The following TEAD4 variants were observed in gnomAD, a reference collection of about 807,000 sequenced individuals.
TEAD4 encodes the protein transcriptional enhancer factor TEF-3.
TEAD4 carries 36 observed loss-of-function variants against 52.4 expected under a neutral mutation model. The ratio of observed to expected loss-of-function variants is 0.69; its 90% CI spans 0.53 to 0.91. The LOEUF is 0.91. TEAD4 is among the 40% of genes least tolerant of loss of function. The pLI, the probability that TEAD4 is intolerant of heterozygous loss-of-function variation, is 0.00. For synonymous variants in TEAD4, 220 were observed against 231.0 expected (o/e 0.95, Z 0.43); for missense variants, 508 against 583.9 (o/e 0.87, Z 1.34).
chr12:3,038,378 AGCACAGGCAGAGCCCTGG>A (rs1275077102), intron 11 of TEAD4, among the ~76,000 whole-genome samples: 1 of 152,220 alleles, frequency 6.6e-6, no homozygotes. Flanking sequence ...GCAGAGCCGC[AGCACAGGCAGAGCCCTGG>A]GCATCTACCT....
At chr12:2,963,036 C>T (rs560702131) in intron 2 of TEAD4, among the ~76,000 whole-genome samples, 30 of 152,154 alleles carry the variant, frequency 2.0e-4, no homozygotes, top group East Asian at 5.8e-4. Flanking sequence ...TACTCTGCTC[C>T]GACCTGGCAG....
At chr12:3,021,554 AC>A (rs2098268715) in intron 9 of TEAD4, among the ~76,000 whole-genome samples, 1 of 151,804 alleles carries the variant, frequency 6.6e-6, no homozygotes, top group East Asian at 1.9e-4. Context: ...CAAGTGATCC[AC>A]CCACTTCGGC....
intron 10 of TEAD4, among the ~76,000 whole-genome samples, chr12:3,024,939 G>A (rs1308920983): frequency 8.9e-6 from 1 of 112,474 alleles, no homozygotes; most frequent in African/African-American, 3.1e-5. Context: ...CAGTTTGAAC[G>A]TGTTATTCTT....
chr12:3,015,895 A>C (rs1822546239), intron 5 of TEAD4, among the ~76,000 whole-genome samples: 1 of 151,806 alleles, frequency 6.6e-6, no homozygotes, highest in Non-Finnish European at 1.5e-5. Context: ...AAAAAAATTC[A>C]TGGGTGGGGG....
chr12:2,998,805 A>G (rs1020145336), intron 3 of TEAD4, among the ~76,000 whole-genome samples: 2 of 152,126 alleles, frequency 1.3e-5, no homozygotes, highest in Admixed American at 1.3e-4. Context: ...TTCCTCTGTC[A>G]GCTGAATGGC....
chr12:3,013,778 A>G (rs1411186805), intron 5 of TEAD4, among the ~76,000 whole-genome samples: 6 of 152,154 alleles, frequency 3.9e-5, no homozygotes, highest in Non-Finnish European at 7.4e-5. Context: ...CTGTAATCCC[A>G]GGTACTTGGA....
chr12:3,032,348 G>A (rs1406418923), intron 10 of TEAD4, among the ~76,000 whole-genome samples: 5 of 152,202 alleles, frequency 3.3e-5, no homozygotes, highest in Admixed American at 2.0e-4. Flanking sequence ...CGCGGCCCTC[G>A]GCTTCCAGGA....
chr12:2,990,461 CTT>C (rs71057876), intron 2 of TEAD4, among the ~76,000 whole-genome samples: 2 of 66,998 alleles, frequency 3.0e-5, no homozygotes, highest in South Asian at 6.7e-4. Flanking sequence ...GACAGATAAT[CTT>C]TTTTTTTTTT....
chr12:3,007,034 CAAA>C (rs2098256500), intron 3 of TEAD4, among the ~76,000 whole-genome samples: 2 of 152,068 alleles, frequency 1.3e-5, no homozygotes, highest in African/African-American at 4.8e-5. Context: ...CAAAACAAAA[CAAA>C]AAAGAAGACG....
At chr12:2,962,080 T>C (rs2098215819) in intron 2 of TEAD4, among the ~76,000 whole-genome samples, 1 of 151,748 alleles carries the variant, frequency 6.6e-6, no homozygotes, top group Admixed American at 6.6e-5. Context: ...AATGTCAGCA[T>C]CTAAGTCCCC....
intron 3 of TEAD4, among the ~76,000 whole-genome samples, chr12:3,003,826 A>C (rs183155619): frequency 2.5e-3 from 377 of 152,250 alleles, no homozygotes; most frequent in African/African-American, 8.2e-3. Context: ...CTCCTTCCCC[A>C]GCCTGTGTTC....
At chr12:3,005,520 A>G (rs930853124) in intron 3 of TEAD4, among the ~76,000 whole-genome samples, 5 of 151,560 alleles carry the variant, frequency 3.3e-5, no homozygotes, top group Admixed American at 3.3e-4. Flanking sequence ...TTTTTGAGAC[A>G]GAGTCTCGCT....
intron 10 of TEAD4, among the ~76,000 whole-genome samples, chr12:3,029,308 G>A (rs2098274026): frequency 6.8e-6 from 1 of 147,972 alleles, no homozygotes; most frequent in Non-Finnish European, 1.5e-5. Context: ...CATGATCTCG[G>A]CTCACTGCAA....
chr12:2,967,309 G>GT (rs1565520909), intron 2 of TEAD4, among the ~76,000 whole-genome samples: 2 of 151,884 alleles, frequency 1.3e-5, no homozygotes, highest in African/African-American at 4.8e-5. Context: ...ACTCTATCCC[G>GT]TTTTTTTCCC....
intron 2 of TEAD4, among the ~76,000 whole-genome samples, chr12:2,992,208 G>A (rs1040494170): frequency 6.6e-6 from 1 of 151,612 alleles, no homozygotes; most frequent in East Asian, 1.9e-4. Context: ...TAGTAGAGGC[G>A]GGGTTTCGCC....
intron 11 of TEAD4, among the ~76,000 whole-genome samples, 177 bp from the exon 12 acceptor site, chr12:3,039,930 G>A (rs1414476277): frequency 1.3e-5 from 2 of 152,134 alleles, no homozygotes; most frequent in African/African-American, 2.4e-5. Context: ...CAGGTGATCC[G>A]CCTGCCTTGG....
At chr12:3,037,066 C>A (rs543205440) in intron 10 of TEAD4, among the ~76,000 whole-genome samples, 4 of 152,280 alleles carry the variant, frequency 2.6e-5, no homozygotes, top group African/African-American at 7.2e-5. Flanking sequence ...TTCAGATCAG[C>A]CCCACATCCA....
chr12:3,037,450 G>A (rs1432697061), intron 10 of TEAD4, among the ~76,000 whole-genome samples: 1 of 152,162 alleles, frequency 6.6e-6, no homozygotes, highest in Non-Finnish European at 1.5e-5. Flanking sequence ...GGTCTCTGGC[G>A]AGACAAGAGG....
At chr12:3,022,828 A>G (rs2098269630) in intron 10 of TEAD4, among the ~76,000 whole-genome samples, 1 of 152,108 alleles carries the variant, frequency 6.6e-6, no homozygotes, top group Non-Finnish European at 1.5e-5. Flanking sequence ...CAGGACACGG[A>G]CTGAGGCTTG....
Sources: allele counts gnomAD v4.1 joint callset (sites outside exome capture counted in the v4.1 genomes callset), GRCh38; gene constraint gnomAD v4.1.1; transcripts MANE v1.5; gene names NCBI Gene and HGNC (gene_info 2026-07-23, HGNC 2026-07-21).